The following CPAMD8 variants were observed in gnomAD, a reference collection of about 807,000 sequenced individuals.
CPAMD8 encodes the protein C3 and PZP-like alpha-2-macroglobulin domain-containing protein 8.
CPAMD8 carries 146 observed loss-of-function variants against 224.7 expected under a neutral mutation model. That is an observed-to-expected ratio of 0.65 (90% CI 0.57 to 0.75). CPAMD8 has a LOEUF of 0.75. Among genes scored for constraint, CPAMD8 ranks in the 30% least tolerant of loss-of-function variants. CPAMD8 has a pLI of 0.00. For synonymous variants in CPAMD8, 966 were observed against 1,044.6 expected, an observed-to-expected ratio of 0.92 and a Z score of 1.45; for missense variants, 2,301 against 2,537.5, an observed-to-expected ratio of 0.91 and a Z score of 2.00.
chr19:16,941,640 C>A (rs1485631318), intron 22 of CPAMD8, among the ~76,000 whole-genome samples: 2 of 152,116 alleles, frequency 1.3e-5, no homozygotes, highest in Non-Finnish European at 2.9e-5. Flanking sequence ...CCTTGCTGTT[C>A]TCGTGATAAT....
chr19:17,001,320 G>GAAA (rs1170361586), intron 9 of CPAMD8, among the ~76,000 whole-genome samples: 1 of 42,466 alleles, frequency 2.4e-5, no homozygotes, highest in Non-Finnish European at 4.2e-5. Flanking sequence ...GACTCCGTCT[G>GAAA]AAAAAAAAAA....
rs772375480 is a variant in CPAMD8, at chr19:16,903,818, T to C, written c.4291A>G (p.Ile1431Val). The change falls in exon 33 of 42, where the codon ATC becomes GTC. Residue 1431 changes from isoleucine (I) to valine (V), a missense_variant. Physicochemically the swap from Ile to Val is conservative, Grantham distance 29. Around this residue, in one of 4 missense-constraint regions of CPAMD8, gnomAD observed 1,709 missense variants for 1,753.2 expected, o/e 0.97. Coordinates refer to ENST00000443236, the MANE Select transcript of CPAMD8 (RefSeq NM_015692.5). ...VALQALAEYA[I>V]LSYAGGINLT... ...TTGATGCCTCCAGCATAGGACAAGA[T>C]GGCATATTCAGCCAAGGCCTGCAGA... The C allele has an allele frequency of 3.1e-6, 5 of 1,614,106 alleles. No individual in the cohort carries two copies. Among genetic ancestry groups the C allele is most frequent in the Non-Finnish European group, 4.2e-6 (5 of 1,180,012 alleles).
intron 19 of CPAMD8, chr19:16,957,537 C>A (rs2122461937): frequency 3.7e-6 from 1 of 268,412 alleles, no homozygotes; most frequent in East Asian, 7.6e-5. Flanking sequence ...TAGGTGGAGT[C>A]AAGTTCATGT....
At chr19:16,906,784 A>G (rs1010171177) in intron 30 of CPAMD8, among the ~76,000 whole-genome samples, 168 bp downstream of exon 30, 6 of 152,026 alleles carry the variant, frequency 3.9e-5, no homozygotes, top group Non-Finnish European at 8.8e-5. Context: ...ATCTCTGCTC[A>G]CTGCAATCTC....
At chr19:16,978,589 G>A (rs1001160826) in intron 14 of CPAMD8, among the ~76,000 whole-genome samples, 1 of 152,122 alleles carries the variant, frequency 6.6e-6, no homozygotes, top group Non-Finnish European at 1.5e-5. Context: ...GATGTTTTTT[G>A]GTCATCACTG....
intron 9 of CPAMD8, among the ~76,000 whole-genome samples, chr19:17,001,320 GAAAAAAAAAA>G (rs1170361586): frequency 2.4e-5 from 1 of 42,470 alleles, no homozygotes; most frequent in Non-Finnish European, 4.2e-5. Context: ...GACTCCGTCT[GAAAAAAAAAA>G]AAAAAAAAAA....
At chr19:16,944,047 C>T (rs1295018645) in intron 22 of CPAMD8, among the ~76,000 whole-genome samples, 1 of 152,146 alleles carries the variant, frequency 6.6e-6, no homozygotes, top group Non-Finnish European at 1.5e-5. Context: ...GGTGTCCGTA[C>T]TCCCTGCACC....
rs1322389878 is a variant in CPAMD8, at chr19:16,897,759, G to A, written c.4997C>T (p.Pro1666Leu). Residue 1666 changes from proline (P) to leucine (L), a missense_variant, in exon 39 of 42, where the codon CCA becomes CTA. Around this residue, in one of 4 missense-constraint regions of CPAMD8, gnomAD observed 1,709 missense variants for 1,753.2 expected, o/e 0.97. Transcript: ENST00000443236. ...TCCGGCGCACAGTTCCCGGGCGAGT[G>A]GGCTGTGGGTGCTGACGTTGTAGAA... ...TRFYNVSTHS[P>L]LARELCAGPA... 1.3e-6 allele frequency: 2 copies of A among 1,583,824 alleles called. No homozygotes were observed. The highest frequency in any genetic ancestry group is 1.7e-6 in the Non-Finnish European group (2 of 1,167,466).
At chr19:16,927,618 G>A (rs1355227023) in intron 25 of CPAMD8, among the ~76,000 whole-genome samples, 5 of 151,990 alleles carry the variant, frequency 3.3e-5, no homozygotes, top group South Asian at 2.1e-4. Flanking sequence ...ATCCTGCACC[G>A]CATATCTGGC....
intron 18 of CPAMD8, among the ~76,000 whole-genome samples, chr19:16,970,107 C>T (rs190032231): frequency 0.01 from 1,528 of 146,534 alleles, 16 homozygotes; most frequent in African/African-American, 0.028. Context: ...CGGGGTGTGG[C>T]GGGCGCCTAT....
chr19:16,979,414 C>CCATCCATT (rs2055416757), intron 14 of CPAMD8, among the ~76,000 whole-genome samples: 4 of 113,144 alleles, frequency 3.5e-5, no homozygotes, highest in Admixed American at 3.3e-4. Flanking sequence ...ATCCATCCAT[C>CCATCCATT]TTTTGGTCCA....
intron 17 of CPAMD8, 21 bp from the exon 18 acceptor site, chr19:16,971,054 A>G: frequency 6.3e-7 from 1 of 1,579,980 alleles, no homozygotes; most frequent in Non-Finnish European, 8.6e-7. Context: ...GACAACACCC[A>G]AACCATTGGT....
chr19:16,994,385 C>G (rs1870066), intron 11 of CPAMD8, among the ~76,000 whole-genome samples: 48,952 of 151,890 alleles, frequency 0.32, 8,454 homozygotes, highest in East Asian at 0.5. Context: ...TAGAATGAGG[C>G]AGACATAGAT....
chr19:16,941,468 C>G (rs1163453422), intron 22 of CPAMD8, among the ~76,000 whole-genome samples: 1 of 152,158 alleles, frequency 6.6e-6, no homozygotes, highest in Non-Finnish European at 1.5e-5. Flanking sequence ...TACAAAATGT[C>G]CCGTGGGCAA....
intron 23 of CPAMD8, among the ~76,000 whole-genome samples, chr19:16,936,254 A>G (rs1316709709): frequency 6.6e-6 from 1 of 151,934 alleles, no homozygotes; most frequent in African/African-American, 2.4e-5. Context: ...CCATTCTTAT[A>G]GGTGGTGTGT....
chr19:16,967,895 G>GTATATATGTGCATATATACACACACACA, intron 18 of CPAMD8, among the ~76,000 whole-genome samples: 1 of 16,600 alleles, frequency 6.0e-5, no homozygotes, highest in African/African-American at 1.1e-4. Context: ...ACACACATGT[G>GTATATATGTGCATATATACACACACACA]TGTGTATATA....
intron 17 of CPAMD8, among the ~76,000 whole-genome samples, chr19:16,973,200 G>GT (rs966529573): frequency 5.3e-5 from 8 of 151,948 alleles, no homozygotes; most frequent in Admixed American, 2.0e-4. Context: ...TTTTTTGTTT[G>GT]TTTGTTTTGT....
At chr19:16,973,389 C>T (rs2055132963) in intron 17 of CPAMD8, among the ~76,000 whole-genome samples, 1 of 152,114 alleles carries the variant, frequency 6.6e-6, no homozygotes, top group African/African-American at 2.4e-5. Context: ...CAGAGTCTCG[C>T]TCTACCACCC....
At chr19:16,932,294 G>A (rs2053568359) in intron 23 of CPAMD8, among the ~76,000 whole-genome samples, 1 of 152,038 alleles carries the variant, frequency 6.6e-6, no homozygotes, top group Non-Finnish European at 1.5e-5. Context: ...GGTGGCATGT[G>A]CTTGTAGTCC....
Sources: allele counts gnomAD v4.1 joint callset (sites outside exome capture counted in the v4.1 genomes callset), GRCh38; gene constraint gnomAD v4.1.1; regional missense constraint gnomAD v4.1.1; transcripts MANE v1.5; gene names NCBI Gene and HGNC (gene_info 2026-07-23, HGNC 2026-07-21).